The following SERGEF variants were observed in gnomAD, a reference collection of about 807,000 sequenced individuals.
SERGEF encodes secretion-regulating guanine nucleotide exchange factor.
In SERGEF, 51 loss-of-function variants were observed where a neutral mutation model predicts 50.0. The observed-to-expected ratio is 1.02, with a 90% CI of 0.81 to 1.29. The LOEUF is 1.29. SERGEF is among the 50% of genes most tolerant of loss of function. The pLI is 0.00. For missense variants in SERGEF, 521 were observed against 557.0 expected, an observed-to-expected ratio of 0.94 and a Z score of 0.65; for synonymous variants, 205 against 212.4, an observed-to-expected ratio of 0.97 and a Z score of 0.30.
intron 9 of SERGEF, among the ~76,000 whole-genome samples, chr11:17,930,039 A>G (rs1473799088): frequency 6.6e-6 from 1 of 152,186 alleles, no homozygotes. Context: ...GCTCTGAGAG[A>G]TATAGCGGAA....
intron 9 of SERGEF, among the ~76,000 whole-genome samples, chr11:17,933,382 C>A (rs1852390539): frequency 6.6e-6 from 1 of 152,062 alleles, no homozygotes; most frequent in Admixed American, 6.6e-5. Flanking sequence ...CTTGTGACAT[C>A]CAAATGGCAA....
At chr11:17,921,286 TATG>T (rs1852151438) in intron 9 of SERGEF, among the ~76,000 whole-genome samples, 1 of 152,230 alleles carries the variant, frequency 6.6e-6, no homozygotes, top group Admixed American at 6.5e-5. Context: ...GCAGGTCATT[TATG>T]ATGAGTCAGT....
intron 9 of SERGEF, among the ~76,000 whole-genome samples, chr11:17,912,528 A>C (rs1851974402): frequency 6.6e-6 from 1 of 152,214 alleles, no homozygotes; most frequent in Admixed American, 6.5e-5. Context: ...TATATTTCAA[A>C]ATTAAAAAGT....
chr11:17,811,603 G>A (rs1169558728), intron 10 of SERGEF, among the ~76,000 whole-genome samples: 1 of 152,232 alleles, frequency 6.6e-6, no homozygotes, highest in Admixed American at 6.5e-5. Context: ...ATTCTGAGAG[G>A]TTTGACAAAG....
intron 10 of SERGEF, among the ~76,000 whole-genome samples, chr11:17,846,961 C>T (rs1000087127): frequency 4.6e-5 from 7 of 152,138 alleles, no homozygotes; most frequent in African/African-American, 9.7e-5. Flanking sequence ...TGTATTACCC[C>T]CTAGTGGCTC....
At chr11:17,972,612 A>G (rs1308354352) in intron 8 of SERGEF, among the ~76,000 whole-genome samples, 1 of 152,234 alleles carries the variant, frequency 6.6e-6, no homozygotes, top group Non-Finnish European at 1.5e-5. Flanking sequence ...TATACACTGG[A>G]AAAACAAAAA....
At chr11:17,941,513 TTTTG>T (rs1294973159) in intron 9 of SERGEF, among the ~76,000 whole-genome samples, 4 of 152,200 alleles carry the variant, frequency 2.6e-5, no homozygotes, top group Non-Finnish European at 5.9e-5. Context: ...ATATATCACA[TTTTG>T]TTTATCGTCT....
chr11:18,005,850 A>G (rs1338364371), intron 3 of SERGEF, among the ~76,000 whole-genome samples: 2 of 152,210 alleles, frequency 1.3e-5, no homozygotes, highest in East Asian at 3.8e-4. Flanking sequence ...AGAAAAAAAA[A>G]AATCCCACAG....
chr11:17,826,081 G>A (rs554677656), intron 10 of SERGEF, among the ~76,000 whole-genome samples: 17 of 152,290 alleles, frequency 1.1e-4, no homozygotes, highest in Admixed American at 7.8e-4. Context: ...TGTAATCTCT[G>A]CCATAGTGCA....
chr11:18,012,669 C>T, intron 1 of SERGEF: 1 of 1,172,550 alleles, frequency 8.5e-7, no homozygotes, highest in Non-Finnish European at 1.1e-6. Flanking sequence ...TCTCGCGGAA[C>T]CAGACGCTCT....
At chr11:17,829,325 C>T (rs1227288204) in intron 10 of SERGEF, among the ~76,000 whole-genome samples, 1 of 152,198 alleles carries the variant, frequency 6.6e-6, no homozygotes, top group African/African-American at 2.4e-5. Context: ...GATTCCGATT[C>T]AGCAGGTCTT....
At chr11:17,962,143 C>T (rs1173355566) in intron 8 of SERGEF, among the ~76,000 whole-genome samples, 1 of 152,190 alleles carries the variant, frequency 6.6e-6, no homozygotes, top group Non-Finnish European at 1.5e-5. Context: ...CCCAAACTGA[C>T]AAAACTTGGC....
intron 10 of SERGEF, among the ~76,000 whole-genome samples, chr11:17,868,058 T>C (rs1410225689): frequency 1.3e-5 from 2 of 152,230 alleles, no homozygotes; most frequent in African/African-American, 4.8e-5. Context: ...TTTTCCCTAT[T>C]GTCTTGGGGA....
intron 10 of SERGEF, chr11:17,863,846 A>G (rs960290056): frequency 6.6e-6 from 1 of 152,244 alleles, no homozygotes; most frequent in Non-Finnish European, 1.5e-5. Flanking sequence ...AAACACATGA[A>G]GCACCTATTG....
intron 5 of SERGEF, among the ~76,000 whole-genome samples, chr11:17,998,616 T>C (rs1014787097): frequency 2.0e-5 from 3 of 150,552 alleles, no homozygotes; most frequent in African/African-American, 7.3e-5. Flanking sequence ...GATGTTGAAA[T>C]TGTTGAAACC....
At chr11:17,827,311 C>T (rs1393393136) in intron 10 of SERGEF, among the ~76,000 whole-genome samples, 1 of 152,332 alleles carries the variant, frequency 6.6e-6, no homozygotes, top group East Asian at 1.9e-4. Context: ...GGATCATAAT[C>T]AGCTCCTATG....
intron 9 of SERGEF, among the ~76,000 whole-genome samples, chr11:17,945,997 A>G (rs909819441): frequency 1.3e-5 from 2 of 152,072 alleles, no homozygotes; most frequent in African/African-American, 4.8e-5. Flanking sequence ...AAAAAACAAA[A>G]AACAAAAACT....
chr11:17,789,467 A>C (rs953312914), intron 10 of SERGEF, among the ~76,000 whole-genome samples: 1 of 152,224 alleles, frequency 6.6e-6, no homozygotes, highest in Non-Finnish European at 1.5e-5. Flanking sequence ...TGGCCAAGCC[A>C]ACATTCATGC....
chr11:17,891,657 A>C (rs1851533360), intron 9 of SERGEF, among the ~76,000 whole-genome samples: 1 of 152,196 alleles, frequency 6.6e-6, no homozygotes, highest in Non-Finnish European at 1.5e-5. Flanking sequence ...CACATAGAAA[A>C]CTTGTTCTGC....
Sources: allele counts gnomAD v4.1 joint callset (sites outside exome capture counted in the v4.1 genomes callset), GRCh38; gene constraint gnomAD v4.1.1; transcripts MANE v1.5; gene names NCBI Gene and HGNC (gene_info 2026-07-23, HGNC 2026-07-21).